TNFAIP8L3: variants seen among roughly 807,000 people sequenced by gnomAD.
TNFAIP8L3 encodes the protein tumor necrosis factor alpha-induced protein 8-like protein 3.
Under a neutral mutation model 11.8 loss-of-function variants are expected in TNFAIP8L3, and 7 were observed. The observed-to-expected ratio is 0.59, with a 90% CI of 0.34 to 1.11. The LOEUF is 1.11. Among genes scored for constraint, TNFAIP8L3 ranks in the 50% most tolerant of loss-of-function variants. TNFAIP8L3 has a pLI of 0.03. For synonymous variants in TNFAIP8L3, 98 were observed against 103.8 expected (o/e 0.94, Z 0.34); for missense variants, 219 against 258.6 (o/e 0.85, Z 1.05).
At position 51,058,361 on chromosome 15, in the gene TNFAIP8L3, G is replaced by C. The variant is rs1385230071; in HGVS notation, c.135C>G (p.Ala45=). The C allele has an allele frequency of 3.7e-6, 6 of 1,613,882 alleles. No individual in the cohort carries two copies. The Admixed American group carries it at 1.0e-4, about 27-fold the overall frequency. ...ILSKIASKTV[A]NMLIDDTSSE... ...TGCTGGTGTCATCAATCAACATGTTGGCCACAGTTTTGCTGGCTATTTTGC... is the reference window on the plus strand; with the variant it reads ...TGCTGGTGTCATCAATCAACATGTTCGCCACAGTTTTGCTGGCTATTTTGC... Residue 45 remains alanine, a synonymous_variant, in exon 2 of 2, where the codon GCC becomes GCG. Coordinates refer to ENST00000637513, the MANE Select transcript of TNFAIP8L3 (RefSeq NM_001311175.2).
Position 51,061,513 on chromosome 15 carries a change from C to T in TNFAIP8L3, c.53-3070G>A, listed in dbSNP as rs4775915. Among the ~76,000 whole-genome samples, 598 of 152,274 alleles carry T rather than the reference C, an allele frequency of 3.9e-3. 18 individuals are homozygous for T. The highest frequency in any genetic ancestry group is 0.035 in the Admixed American group (541 of 15,298). On this transcript the variant is annotated intron_variant, in intron 1 of 1. Coordinates refer to ENST00000637513, the MANE Select transcript of TNFAIP8L3 (RefSeq NM_001311175.2). ...GTTATATAATACCCATTATTGTACA[C>T]TTTAAAAATGACATGAACAAGGTCT...
At chr15:51,088,658 G>A (rs576319131) in intron 1 of TNFAIP8L3, among the ~76,000 whole-genome samples, 4 of 152,310 alleles carry the variant, frequency 2.6e-5, no homozygotes, top group African/African-American at 4.8e-5. Context: ...TCTGGCAACC[G>A]AAACTGCCCC....
intron 1 of TNFAIP8L3, among the ~76,000 whole-genome samples, chr15:51,080,168 C>G (rs548163555): frequency 6.6e-6 from 1 of 152,212 alleles, no homozygotes; most frequent in African/African-American, 2.4e-5. Context: ...TTGGTTAAAT[C>G]AAACTTCAGC....
At chr15:51,072,363 C>T (rs531905389) in intron 1 of TNFAIP8L3, among the ~76,000 whole-genome samples, 1 of 152,276 alleles carries the variant, frequency 6.6e-6, no homozygotes, top group Non-Finnish European at 1.5e-5. Context: ...TGATCTCGAA[C>T]TCCTGATCTC....
intron 1 of TNFAIP8L3, among the ~76,000 whole-genome samples, chr15:51,080,785 T>C (rs1643169653): frequency 1.3e-5 from 2 of 152,380 alleles, no homozygotes; most frequent in South Asian, 2.1e-4. Flanking sequence ...AGATTTGGCC[T>C]GGGGGCCTCA....
chr15:51,087,315 G>T (rs962907635), intron 1 of TNFAIP8L3, among the ~76,000 whole-genome samples: 2 of 152,194 alleles, frequency 1.3e-5, no homozygotes, highest in African/African-American at 2.4e-5. Context: ...CTGCTGGGCA[G>T]ATGGCTCCCC....
rs1251868075 is a variant in TNFAIP8L3 at position 51,094,875 on chromosome 15, G to A, written c.-280C>T. The stretch of plus-strand genomic sequence containing the variant: ...GAGACAGCCGGGAGGAGGGAGGGGA[G>A]GCGCGAGCGCCGAGGAGCCCGAGCG... On this transcript the variant is annotated 5_prime_UTR_variant, in exon 1 of 2. Transcript: ENST00000637513. This position sits in a 1 kb window ranked among gnomAD's most constrained non-coding sequence, Gnocchi z 4.4. Among the ~76,000 whole-genome samples, 1 of 151,298 alleles carries A rather than the reference G, an allele frequency of 6.6e-6. No individual in the cohort carries two copies. Among genetic ancestry groups the A allele is most frequent in the Admixed American group, 6.6e-5 (1 of 15,222 alleles).
At chr15:51,059,821 A>G (rs2065231465) in intron 1 of TNFAIP8L3, among the ~76,000 whole-genome samples, 1 of 152,268 alleles carries the variant, frequency 6.6e-6, no homozygotes, top group African/African-American at 2.4e-5. Context: ...CTGGATAGGC[A>G]GAGCAGACAG....
chr15:51,075,971 G>A (rs2065346239), intron 1 of TNFAIP8L3, among the ~76,000 whole-genome samples: 1 of 152,144 alleles, frequency 6.6e-6, no homozygotes, highest in Non-Finnish European at 1.5e-5. Context: ...CTGTATGGGA[G>A]ATGATTTGGC....
Position 51,094,828 on chromosome 15 carries a change from G to A in TNFAIP8L3, c.-233C>T. 1 of 478,130 alleles carries A rather than the reference G, an allele frequency of 2.1e-6. No individual in the cohort carries two copies. The highest frequency in any genetic ancestry group is 2.7e-6 in the Non-Finnish European group (1 of 367,990). The allele number at this position is 478,130 out of a possible 1,614,324, so 29.6% of individuals were successfully genotyped here. A position where few individuals can be genotyped will look rare whatever the true frequency, so the allele number is the denominator to read the frequency against. On this transcript the variant is annotated 5_prime_UTR_variant, in exon 1 of 2. Transcript: ENST00000637513. The surrounding 1 kb of genome is among the most constrained non-coding windows in gnomAD (Gnocchi z 4.4). ...GTGCCTGCGCGCGAGGCGAGCGCAG[G>A]GCGGAGGGTGGGGCGCTCCGGGAGA...
chr15:51,074,176 T>A (rs2065333091), intron 1 of TNFAIP8L3, among the ~76,000 whole-genome samples: 1 of 152,240 alleles, frequency 6.6e-6, no homozygotes, highest in Non-Finnish European at 1.5e-5. Flanking sequence ...TAAAACGGAT[T>A]GAGTAGCTTT....
intron 1 of TNFAIP8L3, among the ~76,000 whole-genome samples, chr15:51,079,155 T>G (rs971202407): frequency 1.3e-5 from 2 of 152,244 alleles, no homozygotes; most frequent in East Asian, 3.9e-4. Context: ...CACAGGCAGG[T>G]CTCACCTGCA....
At chr15:51,103,629 AACAG>A (rs2065568966) in intron 1 of TNFAIP8L3, among the ~76,000 whole-genome samples, 2 of 152,222 alleles carry the variant, frequency 1.3e-5, no homozygotes, top group Admixed American at 6.5e-5. Context: ...TCTCCTCTGA[AACAG>A]ACACATTGAC....
chr15:51,060,421 T>C (rs1375590501), intron 1 of TNFAIP8L3, among the ~76,000 whole-genome samples: 1 of 152,204 alleles, frequency 6.6e-6, no homozygotes, highest in Admixed American at 6.5e-5. Context: ...TGTAGATGGA[T>C]CCATTCTAGA....
intron 1 of TNFAIP8L3, among the ~76,000 whole-genome samples, chr15:51,060,204 G>A (rs1260364820): frequency 1.3e-5 from 2 of 152,196 alleles, no homozygotes; most frequent in Non-Finnish European, 2.9e-5. Context: ...GATCACTAGA[G>A]CTTTGTGTGA....
chr15:51,085,563 C>T (rs1476061166), intron 1 of TNFAIP8L3, among the ~76,000 whole-genome samples: 2 of 150,588 alleles, frequency 1.3e-5, no homozygotes, highest in Non-Finnish European at 2.9e-5. Flanking sequence ...TAGAAGGTGT[C>T]AGAAGGAAAA....
upstream of TNFAIP8L3, among the ~76,000 whole-genome samples, chr15:51,098,656 A>G (rs1206102528): frequency 6.6e-6 from 1 of 152,254 alleles, no homozygotes; most frequent in African/African-American, 2.4e-5. Context: ...GAAAAATTGG[A>G]AAATACATAT....
intron 1 of TNFAIP8L3, chr15:51,064,865 T>C (rs1017441871): frequency 6.6e-6 from 1 of 152,204 alleles, no homozygotes; most frequent in Non-Finnish European, 1.5e-5. Flanking sequence ...AGGTCACAAG[T>C]GTGCTTGGGA....
chr15:51,100,437 T>A (rs1433918080), intron 1 of TNFAIP8L3, among the ~76,000 whole-genome samples: 1 of 152,114 alleles, frequency 6.6e-6, no homozygotes, highest in African/African-American at 2.4e-5. Flanking sequence ...AGAGAAAGAA[T>A]TTGATGCTTG....
Sources: gnomAD v4.1 joint callset for allele counts (sites outside exome capture counted in the v4.1 genomes callset) on GRCh38, gnomAD v4.1.1 for gene constraint, Gnocchi (gnomAD v3.1) non-coding constraint, MANE v1.5 for transcripts, NCBI Gene and HGNC (gene_info 2026-07-23, HGNC 2026-07-21) for gene names.